The following CCDC7 variants were observed in gnomAD, a reference collection of about 807,000 sequenced individuals.
CCDC7 encodes coiled-coil domain containing 7, also known as coiled-coil domain-containing protein 7.
Under a neutral mutation model 196.9 loss-of-function variants are expected in CCDC7, and 183 were observed. That is an observed-to-expected ratio of 0.93 (90% confidence interval 0.82 to 1.05). The LOEUF (loss-of-function observed/expected upper bound fraction) is 1.05. Ranked by LOEUF, CCDC7 falls within the 50% of genes least tolerant of loss-of-function variation. The probability of loss-of-function intolerance (pLI) is 0.00; values close to 1 mark genes in which losing one functional copy is unlikely to be tolerated. For synonymous variants in CCDC7, 525 were observed against 484.6 expected (o/e 1.08, Z -1.10); for missense variants, 1,540 against 1,482.2 (o/e 1.04, Z -0.64).
intron 41 of CCDC7, among the ~76,000 whole-genome samples, chr10:32,871,605 T>G (rs935904407): frequency 6.6e-6 from 1 of 152,058 alleles, no homozygotes; most frequent in Non-Finnish European, 1.5e-5. Context: ...TTTCCTTCAA[T>G]TCTGCTCTGA....
At chr10:32,826,821 G>C (rs1299438196) in intron 32 of CCDC7, among the ~76,000 whole-genome samples, 1 of 152,242 alleles carries the variant, frequency 6.6e-6, no homozygotes, top group Non-Finnish European at 1.5e-5. Flanking sequence ...TCAGTGGACA[G>C]AACTTCGAGT....
intron 9 of CCDC7, among the ~76,000 whole-genome samples, chr10:32,505,095 T>C (rs2044680743): frequency 6.6e-6 from 1 of 152,218 alleles, no homozygotes; most frequent in African/African-American, 2.4e-5. Flanking sequence ...CTTATCTCGA[T>C]GCATATTATT....
chr10:32,711,704 A>T (rs772084713), exon 25 of CCDC7: 1 of 1,584,390 alleles, frequency 6.3e-7, no homozygotes, highest in South Asian at 1.2e-5. Flanking sequence ...GAGATTCAAG[A>T]AACTTCTGAA....
In CCDC7 at chr10:32,688,065, A is replaced by G. The variant is rs75087689; in HGVS notation, c.2234-988A>G. Among the ~76,000 whole-genome samples the G allele has an allele frequency of 1.7e-3, 258 of 152,194 alleles. 3 individuals are homozygous for G. Among genetic ancestry groups the G allele is most frequent in the African/African-American group, 5.8e-3 (241 of 41,534 alleles). ...AGAAAGGAGAGTGCCTCTAGTGTTCATATCTCTTTTTTTTCCCTGCCACCC... is the reference window on the plus strand; with the variant it reads ...AGAAAGGAGAGTGCCTCTAGTGTTCGTATCTCTTTTTTTTCCCTGCCACCC... On this transcript the variant is annotated intron_variant, in intron 22 of 41. Transcript: ENST00000639629.
chr10:32,697,194 C>T (rs774771801), intron 24 of CCDC7, among the ~76,000 whole-genome samples: 8 of 152,112 alleles, frequency 5.3e-5, no homozygotes, highest in Non-Finnish European at 7.3e-5. Flanking sequence ...TCATAAAGAA[C>T]GCACAACCTG....
chr10:32,823,299 G>A (rs866364533), intron 31 of CCDC7, among the ~76,000 whole-genome samples: 4 of 151,824 alleles, frequency 2.6e-5, no homozygotes, highest in African/African-American at 9.7e-5. Context: ...ACGCCACCAC[G>A]CCCTGCTAAT....
At chr10:32,637,386 C>G (rs2065849945) in intron 20 of CCDC7, among the ~76,000 whole-genome samples, 1 of 152,014 alleles carries the variant, frequency 6.6e-6, no homozygotes, top group Non-Finnish European at 1.5e-5. Context: ...GTATTTAATC[C>G]ATCTTGAATT....
chr10:32,876,444 C>G (rs764261796), downstream of CCDC7: 10 of 1,527,442 alleles, frequency 6.5e-6, no homozygotes, highest in African/African-American at 1.4e-5. Flanking sequence ...TTCAGAAATG[C>G]AGGAAAGGAA....
chr10:32,608,965 G>C (rs1398880938), intron 18 of CCDC7, among the ~76,000 whole-genome samples: 2 of 152,138 alleles, frequency 1.3e-5, no homozygotes, highest in Non-Finnish European at 2.9e-5. Context: ...TTCCATTGTG[G>C]TTTTAGAAGA....
intron 25 of CCDC7, among the ~76,000 whole-genome samples, chr10:32,724,178 A>G (rs1477232666): frequency 6.6e-6 from 1 of 152,108 alleles, no homozygotes; most frequent in Non-Finnish European, 1.5e-5. Context: ...CCTGAGACAC[A>G]TTGTCATGGC....
At chr10:32,452,280 T>C (rs1485553599) in intron 1 of CCDC7, among the ~76,000 whole-genome samples, 2 of 152,104 alleles carry the variant, frequency 1.3e-5, no homozygotes, top group African/African-American at 4.8e-5. Context: ...GGAAAGGAGG[T>C]TCAGTATAAA....
At chr10:32,716,554 A>G (rs1425465606) in intron 25 of CCDC7, among the ~76,000 whole-genome samples, 4 of 152,210 alleles carry the variant, frequency 2.6e-5, no homozygotes, top group Non-Finnish European at 5.9e-5. Context: ...AACAATCTTA[A>G]CCTTAAATGT....
intron 25 of CCDC7, among the ~76,000 whole-genome samples, chr10:32,716,658 A>G (rs1176111382): frequency 6.6e-6 from 1 of 152,244 alleles, no homozygotes; most frequent in Non-Finnish European, 1.5e-5. Flanking sequence ...GATCCAATTC[A>G]TATGCAGAGA....
chr10:32,855,781 T>C (rs1593489081), intron 41 of CCDC7, among the ~76,000 whole-genome samples: 1 of 152,146 alleles, frequency 6.6e-6, no homozygotes, highest in Non-Finnish European at 1.5e-5. Flanking sequence ...CAAAATAATC[T>C]TGACAAAGAA....
At chr10:32,726,087 A>G (rs984173520) in intron 25 of CCDC7, among the ~76,000 whole-genome samples, 2 of 151,820 alleles carry the variant, frequency 1.3e-5, no homozygotes, top group African/African-American at 4.8e-5. Context: ...CCTGTGTCTC[A>G]TTTTGAAAAG....
At chr10:32,453,504 T>C in intron 2 of CCDC7, 68 bp downstream of exon 3, 2 of 1,084,534 alleles carry the variant, frequency 1.8e-6, no homozygotes, top group East Asian at 3.4e-5. Flanking sequence ...TTTAAAAATA[T>C]AAATTTAAAA....
chr10:32,484,274 C>T (rs2040558762), intron 8 of CCDC7, among the ~76,000 whole-genome samples: 1 of 152,066 alleles, frequency 6.6e-6, no homozygotes, highest in South Asian at 2.1e-4. Flanking sequence ...AATGGGAGTT[C>T]CCTCATGATT....
intron 13 of CCDC7, among the ~76,000 whole-genome samples, chr10:32,561,641 A>G (rs4428972): frequency 0.1 from 15,957 of 152,252 alleles, 1,030 homozygotes; most frequent in South Asian, 0.25. Context: ...TCTGGGACAC[A>G]TTCAACGCAG....
intron 18 of CCDC7, among the ~76,000 whole-genome samples, chr10:32,614,523 A>G (rs1435673243): frequency 6.6e-6 from 1 of 152,104 alleles, no homozygotes; most frequent in African/African-American, 2.4e-5. Context: ...TAGTTGATTC[A>G]GTTTCTTCAT....
Sources: allele counts gnomAD v4.1 joint callset (sites outside exome capture counted in the v4.1 genomes callset), GRCh38; gene constraint gnomAD v4.1.1; transcripts MANE v1.5; gene names NCBI Gene and HGNC (gene_info 2026-07-23, HGNC 2026-07-21).